The following B3GALT1 variants were observed in gnomAD, a reference collection of about 807,000 sequenced individuals.
B3GALT1 encodes the protein beta-1,3-galactosyltransferase 1.
In B3GALT1, 10 loss-of-function variants were observed where a neutral mutation model predicts 23.2. That is an observed-to-expected ratio of 0.43 (90% CI 0.27 to 0.73). B3GALT1 has a LOEUF of 0.73. Ranked by LOEUF, B3GALT1 falls within the 30% of genes least tolerant of loss-of-function variation. B3GALT1 has a pLI of 0.21. For synonymous variants in B3GALT1, 156 were observed against 141.5 expected, an observed-to-expected ratio of 1.10 and a Z score of -0.73; for missense variants, 299 against 405.4, an observed-to-expected ratio of 0.74 and a Z score of 2.25.
At chr2:167,371,571 T>C (rs1325514812) in intron 1 of B3GALT1, among the ~76,000 whole-genome samples, 2 of 152,148 alleles carry the variant, frequency 1.3e-5, no homozygotes, top group African/African-American at 4.8e-5. Context: ...GGGTAAAACA[T>C]TTAACACCTT....
chr2:167,521,988 A>G (rs1256195362), intron 2 of B3GALT1, among the ~76,000 whole-genome samples: 5 of 135,760 alleles, frequency 3.7e-5, no homozygotes, highest in African/African-American at 8.9e-5. Context: ...GTGTGTGTAT[A>G]TATATATATA....
At chr2:167,475,902 T>TAGC (rs992429907) in intron 1 of B3GALT1, among the ~76,000 whole-genome samples, 1 of 152,100 alleles carries the variant, frequency 6.6e-6, no homozygotes, top group African/African-American at 2.4e-5. Flanking sequence ...TGTTGTTCCT[T>TAGC]AGCAGCAGCA....
At chr2:167,625,818 G>A (rs1295259284) in intron 2 of B3GALT1, among the ~76,000 whole-genome samples, 2 of 150,772 alleles carry the variant, frequency 1.3e-5, no homozygotes, top group African/African-American at 4.9e-5. Context: ...ATATTTGGGT[G>A]TGGCACATTA....
At chr2:167,695,362 G>A (rs901687922) in intron 3 of B3GALT1, among the ~76,000 whole-genome samples, 3 of 152,020 alleles carry the variant, frequency 2.0e-5, no homozygotes, top group Non-Finnish European at 4.4e-5. Flanking sequence ...ATTAATCTTT[G>A]AGAAAAAAGT....
chr2:167,612,773 A>T (rs1331534678), intron 2 of B3GALT1, among the ~76,000 whole-genome samples: 2 of 151,874 alleles, frequency 1.3e-5, no homozygotes, highest in African/African-American at 4.8e-5. Flanking sequence ...TCAGAATCTA[A>T]CCATGGATCA....
At chr2:167,613,057 A>G (rs1244141075) in intron 2 of B3GALT1, among the ~76,000 whole-genome samples, 9 of 151,940 alleles carry the variant, frequency 5.9e-5, no homozygotes, top group Non-Finnish European at 8.8e-5. Flanking sequence ...GGGACAGGTA[A>G]AGAGAGAGGG....
chr2:167,827,846 A>C (rs1157673863), intron 4 of B3GALT1, among the ~76,000 whole-genome samples: 1 of 152,086 alleles, frequency 6.6e-6, no homozygotes, highest in African/African-American at 2.4e-5. Context: ...ACTTTGTAAC[A>C]GTTATTTCTG....
intron 1 of B3GALT1, among the ~76,000 whole-genome samples, chr2:167,438,306 G>C (rs1698818440): frequency 1.3e-5 from 2 of 152,274 alleles, no homozygotes; most frequent in South Asian, 4.1e-4. Context: ...TTCTCTGGGA[G>C]CTCAAGTGAC....
In B3GALT1 at chr2:167,512,580, GTATATATATA is replaced by G. The variant is rs749951984; in HGVS notation, c.-410+22305_-410+22314del. Among the ~76,000 whole-genome samples the G allele has an allele frequency of 8.1e-3, 383 of 47,052 alleles. 20 individuals are homozygous for G. Among genetic ancestry groups the G allele is most frequent in the African/African-American group, 0.031 (363 of 11,718 alleles). The allele number at this position is 47,052 out of a possible 152,430, so 30.9% of individuals were successfully genotyped here. On this transcript the variant is annotated intron_variant, in intron 2 of 4. Transcript: ENST00000392690. ...TGTATATATATATGTATATATATAT[GTATATATATA>G]TGTGTATATATATATATGTATATAT... is the stretch of plus-strand genomic sequence containing the variant.
At chr2:167,695,820 A>G (rs1229552287) in intron 3 of B3GALT1, among the ~76,000 whole-genome samples, 1 of 152,100 alleles carries the variant, frequency 6.6e-6, no homozygotes, top group African/African-American at 2.4e-5. Context: ...ACATCTTCCT[A>G]TTCTCAACCA....
chr2:167,343,650 G>A (rs115726838), intron 1 of B3GALT1, among the ~76,000 whole-genome samples: 9,185 of 152,076 alleles, frequency 0.06, 300 homozygotes, highest in South Asian at 0.084. Context: ...CATGCCCATT[G>A]TCCTCCCTCA....
At chr2:167,346,775 T>TGC (rs1559071400) in intron 1 of B3GALT1, among the ~76,000 whole-genome samples, 1 of 151,492 alleles carries the variant, frequency 6.6e-6, no homozygotes, top group Non-Finnish European at 1.5e-5. Context: ...TGTGTGTGTG[T>TGC]GCGTGTGTGT....
At chr2:167,607,723 A>G (rs1684991809) in intron 2 of B3GALT1, among the ~76,000 whole-genome samples, 1 of 152,218 alleles carries the variant, frequency 6.6e-6, no homozygotes, top group African/African-American at 2.4e-5. Flanking sequence ...CTTTGAGAAC[A>G]AATGTTGAAT....
chr2:167,862,293 C>T (rs747567681), intron 4 of B3GALT1, among the ~76,000 whole-genome samples: 1 of 152,156 alleles, frequency 6.6e-6, no homozygotes, highest in South Asian at 2.1e-4. Flanking sequence ...ACTTGAGAAT[C>T]GGGGGAGCCA....
chr2:167,712,541 T>A (rs1316357646), intron 3 of B3GALT1, among the ~76,000 whole-genome samples: 1 of 151,944 alleles, frequency 6.6e-6, no homozygotes, highest in African/African-American at 2.4e-5. Flanking sequence ...ATGCTTGAAA[T>A]GCTTTAAGTA....
rs545606986 is a variant in B3GALT1, at chr2:167,453,486, G to A, written c.-510-36691G>A. Among the ~76,000 whole-genome samples, 3 of 152,232 alleles carry A rather than the reference G, an allele frequency of 2.0e-5. No homozygotes were observed. In the South Asian group the frequency reaches 6.2e-4, roughly 32 times the overall value. On this transcript the variant is annotated intron_variant, in intron 1 of 4. Transcript: ENST00000392690. ...TATATATTCTACTAATTATCACAAGGTTAATGCAAGAGCTCTAATATTTGA... is the reference window on the plus strand; with the variant it reads ...TATATATTCTACTAATTATCACAAGATTAATGCAAGAGCTCTAATATTTGA...
chr2:167,335,274 A>G (rs1697041253), intron 1 of B3GALT1, among the ~76,000 whole-genome samples: 1 of 152,160 alleles, frequency 6.6e-6, no homozygotes, highest in Non-Finnish European at 1.5e-5. Context: ...AGATTGGCTT[A>G]CCTTTCTAAT....
intron 3 of B3GALT1, among the ~76,000 whole-genome samples, chr2:167,740,492 C>A (rs1453063660): frequency 6.6e-6 from 1 of 151,584 alleles, no homozygotes; most frequent in East Asian, 1.9e-4. Flanking sequence ...TTATTTTAAT[C>A]AAATAAATGT....
At chr2:167,641,982 C>G (rs1294528661) in intron 2 of B3GALT1, among the ~76,000 whole-genome samples, 1 of 152,174 alleles carries the variant, frequency 6.6e-6, no homozygotes, top group African/African-American at 2.4e-5. Context: ...CACATCTGTT[C>G]CTTCTATTTT....
Sources: allele counts gnomAD v4.1 joint callset (sites outside exome capture counted in the v4.1 genomes callset), GRCh38; gene constraint gnomAD v4.1.1; transcripts MANE v1.5; gene names NCBI Gene and HGNC (gene_info 2026-07-23, HGNC 2026-07-21).